The following GNA13 variants were observed in gnomAD, a reference collection of about 807,000 sequenced individuals.
The protein encoded by GNA13 is G protein subunit alpha 13, also known as guanine nucleotide-binding protein subunit alpha-13.
Under a neutral mutation model 33.5 loss-of-function variants are expected in GNA13, and 4 were observed. The ratio of observed to expected loss-of-function variants is 0.12; its 90% CI spans 0.06 to 0.27. GNA13 has a LOEUF of 0.27. Among genes scored for constraint, GNA13 ranks in the 10% least tolerant of loss-of-function variants. The pLI is 1.00. For synonymous variants in GNA13, 176 were observed against 183.8 expected (o/e 0.96, Z 0.34); for missense variants, 319 against 487.2 (o/e 0.65, Z 3.25).
intron 1 of GNA13, among the ~76,000 whole-genome samples, 155 bp downstream of exon 1, chr17:65,056,156 C>G (rs1455267898): frequency 6.6e-6 from 1 of 151,672 alleles, no homozygotes; most frequent in Non-Finnish European, 1.5e-5. Flanking sequence ...GCGGGCAGGG[C>G]CAGTTGCCGG....
chr17:65,018,323 A>G lies in GNA13; in HGVS notation c.511-20T>C, dbSNP rs201288728. 1.9e-5 allele frequency: 23 copies of G among 1,233,580 alleles called. No homozygotes were observed. Among genetic ancestry groups the G allele is most frequent in the Non-Finnish European group, 2.8e-5 (23 of 832,822 alleles). 76.4% of individuals were successfully genotyped at this position (1,233,580 alleles called of 1,614,324 possible). A position where few individuals can be genotyped will look rare whatever the true frequency, so the allele number is the denominator to read the frequency against. On this transcript the variant is annotated intron_variant, in intron 2 of 3. Coordinates refer to ENST00000439174, the MANE Select transcript of GNA13 (RefSeq NM_006572.6). ...TTCACCCTAAAAACAAGAAGAAAAC[A>G]AATAGTTATTAGGGCTTAGAAATGG...
intron 2 of GNA13, among the ~76,000 whole-genome samples, chr17:65,028,987 C>A (rs911976209): frequency 4.6e-5 from 7 of 151,982 alleles, no homozygotes; most frequent in South Asian, 2.1e-4. Context: ...AAAAAGGAGG[C>A]AGAGTTACTG....
At chr17:65,027,387 GTCC>G (rs749890222) in intron 2 of GNA13, among the ~76,000 whole-genome samples, 1 of 142,898 alleles carries the variant, frequency 7.0e-6, no homozygotes, top group Non-Finnish European at 1.5e-5. Flanking sequence ...GGCTCAAGCA[GTCC>G]TCCTGCCTCA....
chr17:65,044,044 C>G (rs528755433), intron 2 of GNA13, among the ~76,000 whole-genome samples: 28 of 152,280 alleles, frequency 1.8e-4, no homozygotes, highest in Non-Finnish European at 2.8e-4. Flanking sequence ...GTTGCTTGAG[C>G]TGGGGAGGTC....
At chr17:65,030,671 T>A (rs1026594934) in intron 2 of GNA13, among the ~76,000 whole-genome samples, 1 of 152,206 alleles carries the variant, frequency 6.6e-6, no homozygotes, top group Non-Finnish European at 1.5e-5. Context: ...AATTTCACTT[T>A]GAAAAAAACA....
At chr17:65,016,678 T>C (rs948769644) in intron 3 of GNA13, among the ~76,000 whole-genome samples, 2 of 152,204 alleles carry the variant, frequency 1.3e-5, no homozygotes, top group East Asian at 1.9e-4. Flanking sequence ...CAGAGTTTTT[T>C]AAAAGTAGGT....
At chr17:65,022,342 T>C (rs1906611294) in intron 2 of GNA13, among the ~76,000 whole-genome samples, 1 of 149,634 alleles carries the variant, frequency 6.7e-6, no homozygotes, top group South Asian at 2.1e-4. Context: ...CAAACTGCAG[T>C]GACACAGTTA....
intron 3 of GNA13, among the ~76,000 whole-genome samples, chr17:65,017,084 G>A: frequency 6.6e-6 from 1 of 151,832 alleles, no homozygotes; most frequent in East Asian, 1.9e-4. Flanking sequence ...TCAGGGGTAC[G>A]ATTATGACGT....
intron 2 of GNA13, among the ~76,000 whole-genome samples, chr17:65,052,878 T>A (rs1380421383): frequency 6.6e-6 from 1 of 151,942 alleles, no homozygotes; most frequent in Non-Finnish European, 1.5e-5. Flanking sequence ...AAGACAAAAA[T>A]TAGCTAGGTG....
In GNA13 at chr17:65,012,267, T is replaced by C; in HGVS notation, c.*1990A>G. On this transcript the variant is annotated 3_prime_UTR_variant, in exon 4 of 4. Coordinates refer to ENST00000439174, the MANE Select transcript of GNA13 (RefSeq NM_006572.6). ...ATAGGGATCTAACTTGAGCCCTCAC[T>C]GGAGTCAAATGTTTTGGCCATTCAA... 1 of 223,064 alleles carries C rather than the reference T, an allele frequency of 4.5e-6. No homozygotes were observed. The allele number at this position is 223,064 out of a possible 1,614,324, so 13.8% of individuals were successfully genotyped here. A position where few individuals can be genotyped will look rare whatever the true frequency, so the allele number is the denominator to read the frequency against.
At chr17:65,017,984 C>T (rs189743960) in intron 3 of GNA13, among the ~76,000 whole-genome samples, 4 of 150,728 alleles carry the variant, frequency 2.7e-5, no homozygotes, top group Admixed American at 2.6e-4. Context: ...AAAGAAGTGT[C>T]GTGATTAAAC....
chr17:65,031,862 A>G (rs934256661), intron 2 of GNA13, among the ~76,000 whole-genome samples: 2 of 104,200 alleles, frequency 1.9e-5, no homozygotes, highest in African/African-American at 6.1e-5. Context: ...CAACCCGGAC[A>G]ACATAGAGAG....
chr17:65,051,035 C>T (rs1429709888), intron 2 of GNA13, among the ~76,000 whole-genome samples: 6 of 152,102 alleles, frequency 3.9e-5, no homozygotes, highest in Non-Finnish European at 8.8e-5. Context: ...ACATGACAGT[C>T]CTGATGTGAG....
chr17:65,012,400 A>C lies in GNA13; in HGVS notation c.*1857T>G, dbSNP rs1567815018. 4.5e-6 allele frequency: 1 copy of C among 222,374 alleles called. No homozygotes were observed. Among genetic ancestry groups the C allele is most frequent in the Admixed American group, 5.7e-5 (1 of 17,434 alleles). 13.8% of individuals were successfully genotyped at this position (222,374 alleles called of 1,614,324 possible). ...TTATGCTAATTTTGTGAATTTAAAC[A>C]ATGTATTCTTTTTGGCAAGAAGCAC... is the stretch of plus-strand genomic sequence containing the variant. On this transcript the variant is annotated 3_prime_UTR_variant, in exon 4 of 4. Coordinates refer to ENST00000439174, the MANE Select transcript of GNA13 (RefSeq NM_006572.6).
intron 2 of GNA13, among the ~76,000 whole-genome samples, chr17:65,042,463 AC>A (rs2143815675): frequency 6.6e-6 from 1 of 152,054 alleles, no homozygotes; most frequent in South Asian, 2.1e-4. Flanking sequence ...GTGGCTGGGC[AC>A]GGTGGCTCAA....
rs3972220 is a variant in GNA13, at chr17:65,025,817, C to CA, written c.511-7515dup. The stretch of plus-strand genomic sequence containing the variant: ...AACACATAGAGAGATCCCATCTCTA[C>CA]AAAAAAAAAAAAAAAAAAATTAGCC... On this transcript the variant is annotated intron_variant, in intron 2 of 3. Coordinates refer to ENST00000439174, the MANE Select transcript of GNA13 (RefSeq NM_006572.6). Among the ~76,000 whole-genome samples, 144 of 104,610 alleles carry CA rather than the reference C, an allele frequency of 1.4e-3. 1 individual carries two copies. Among genetic ancestry groups the CA allele is most frequent in the African/African-American group, 4.9e-3 (138 of 27,890 alleles). The allele number at this position is 104,610 out of a possible 152,430, so 68.6% of individuals were successfully genotyped here. A position where few individuals can be genotyped will look rare whatever the true frequency, so the allele number is the denominator to read the frequency against.
intron 2 of GNA13, among the ~76,000 whole-genome samples, chr17:65,046,254 AAAC>A (rs1377702205): frequency 3.9e-5 from 6 of 152,104 alleles, no homozygotes; most frequent in Non-Finnish European, 8.8e-5. Flanking sequence ...TAATTAAATT[AAAC>A]AATTATTATA....
rs1906144994 is a variant in GNA13, at chr17:65,010,376, C to T, written c.*3881G>A. On this transcript the variant is annotated 3_prime_UTR_variant, in exon 4 of 4. Transcript: ENST00000439174. ...TATACATTTATTAATAAGCCCTAAC[C>T]TCGTACCATAAAAAAATGGGCATGT... Among the ~76,000 whole-genome samples the T allele has an allele frequency of 6.6e-6, 1 of 151,930 alleles. No homozygotes were observed. The highest frequency in any genetic ancestry group is 1.5e-5 in the Non-Finnish European group (1 of 68,002).
chr17:65,044,990 C>T (rs1479683259), intron 2 of GNA13, among the ~76,000 whole-genome samples: 1 of 150,192 alleles, frequency 6.7e-6, no homozygotes, highest in East Asian at 2.0e-4. Context: ...TTTCAGTGAG[C>T]CAAGATCACG....
Sources: allele counts gnomAD v4.1 joint callset (sites outside exome capture counted in the v4.1 genomes callset), GRCh38; gene constraint gnomAD v4.1.1; transcripts MANE v1.5; gene names NCBI Gene and HGNC (gene_info 2026-07-23, HGNC 2026-07-21).